The following APOC3 variants were observed in gnomAD, a reference collection of about 807,000 sequenced individuals.
APOC3 encodes the protein apolipoprotein C-III.
In APOC3, 6 loss-of-function variants were observed where a neutral mutation model predicts 7.3. The observed-to-expected ratio is 0.82, with a 90% confidence interval of 0.45 to 1.61. The LOEUF is 1.61. APOC3 is among the 40% of genes most tolerant of loss of function. The probability of loss-of-function intolerance (pLI) is 0.01; values close to 1 mark genes in which losing one functional copy is unlikely to be tolerated. For missense variants in APOC3, 123 were observed against 124.9 expected (o/e 0.98, Z 0.07); for synonymous variants, 45 against 51.2 (o/e 0.88, Z 0.52).
intron 1 of APOC3, 51 bp from the exon 2 acceptor site, chr11:116,830,519 G>A: frequency 3.1e-6 from 5 of 1,603,862 alleles, no homozygotes; most frequent in Non-Finnish European, 4.3e-6. Context: ...CCAGGGAGGG[G>A]TCCAGAGGCA....
At chr11:116,830,501 C>A in intron 1 of APOC3, 69 bp from the exon 2 acceptor site, 1 of 1,561,516 alleles carries the variant, frequency 6.4e-7, no homozygotes, top group Middle Eastern at 1.7e-4. Flanking sequence ...AGGGGCCACG[C>A]CACCTCCCCA....
At chr11:116,831,197 CTT>C (rs1555055850) in intron 3 of APOC3, 1 of 41,950 alleles carries the variant, frequency 2.4e-5, no homozygotes, top group African/African-American at 7.3e-5. Context: ...CTATTTCTTT[CTT>C]TCTTTCTTTC....
At chr11:116,831,189 ATT>A (rs72441743) in intron 3 of APOC3, 13 of 148,498 alleles carry the variant, frequency 8.8e-5, no homozygotes, top group Non-Finnish European at 1.3e-4. Context: ...TTCTCTTTCT[ATT>A]TCTTTCTTTC....
chr11:116,831,721 C>A (rs950225076), intron 3 of APOC3, among the ~76,000 whole-genome samples: 1 of 152,144 alleles, frequency 6.6e-6, no homozygotes, highest in Non-Finnish European at 1.5e-5. Flanking sequence ...TTTTTGGCAC[C>A]AGGGACCAGT....
chr11:116,830,701 TG>T, intron 2 of APOC3, 64 bp downstream of exon 2: 1 of 1,613,094 alleles, frequency 6.2e-7, no homozygotes, highest in Non-Finnish European at 8.5e-7. Context: ...CCAGTCCCAA[TG>T]GGTGGTCAAG....
intron 2 of APOC3, 44 bp from the exon 3 acceptor site, chr11:116,830,729 G>T (rs772057064): frequency 1.2e-6 from 2 of 1,613,100 alleles, no homozygotes; most frequent in South Asian, 1.1e-5. Flanking sequence ...CCCAGGGCTC[G>T]TCCAGAGGCC....
In APOC3 at chr11:116,832,938, C is replaced by T; in HGVS notation, c.*54C>T. On this transcript the variant is annotated 3_prime_UTR_variant, in exon 4 of 4. Transcript: ENST00000227667. ...ATCCATCCTGCGAGCTCCTTGGGTC[C>T]TGCAATCTCCAGGGCTGCCCCTGTA... 1 of 1,612,244 alleles carries T rather than the reference C, an allele frequency of 6.2e-7. No homozygotes were observed. Among genetic ancestry groups the T allele is most frequent in the Non-Finnish European group, 8.5e-7 (1 of 1,179,570 alleles).
rs4225 is a variant in APOC3 at position 116,832,955 on chromosome 11, G to T, written c.*71G>T. On this transcript the variant is annotated 3_prime_UTR_variant, in exon 4 of 4. Transcript: ENST00000227667. The stretch of plus-strand genomic sequence containing the variant: ...CTTGGGTCCTGCAATCTCCAGGGCT[G>T]CCCCTGTAGGTTGCTTAAAAGGGAC... 909,777 of 1,606,286 alleles carry T rather than the reference G, an allele frequency of 0.57. 274,952 individuals are homozygous for T. Among genetic ancestry groups the T allele is most frequent in the Non-Finnish European group, 0.64 (748,783 of 1,175,414 alleles).
intron 1 of APOC3, 95 bp downstream of exon 1, chr11:116,830,035 C>T (rs772916031): frequency 2.9e-5 from 5 of 172,450 alleles, no homozygotes; most frequent in South Asian, 1.6e-4. Flanking sequence ...CCTGGAGAAG[C>T]ACTTGCTAGA....
chr11:116,830,451 C>T, intron 1 of APOC3, 119 bp from the exon 2 acceptor site: 2 of 1,035,488 alleles, frequency 1.9e-6, no homozygotes, highest in African/African-American at 1.6e-5. Context: ...AGGGAGCCGG[C>T]CCCTACTCCT....
chr11:116,831,640 C>T (rs1941462051), intron 3 of APOC3, among the ~76,000 whole-genome samples: 1 of 152,202 alleles, frequency 6.6e-6, no homozygotes, highest in Non-Finnish European at 1.5e-5. Flanking sequence ...GCTGGGATTA[C>T]AGGCATGAGC....
At chr11:116,831,244 TC>T (rs1941451627) in intron 3 of APOC3, 1 of 119,248 alleles carries the variant, frequency 8.4e-6, no homozygotes, top group Non-Finnish European at 1.7e-5. Context: ...TTTCTTTCTT[TC>T]TTTCTTTCTT....
At chr11:116,832,465 A>C (rs1941472937) in intron 3 of APOC3, among the ~76,000 whole-genome samples, 1 of 152,126 alleles carries the variant, frequency 6.6e-6, no homozygotes, top group South Asian at 2.1e-4. Context: ...GACAGCCTTG[A>C]CCTTTCACAT....
Position 116,833,039 on chromosome 11 carries a change from C to A in APOC3, c.*155C>A. On this transcript the variant is annotated 3_prime_UTR_variant, in exon 4 of 4. Coordinates refer to ENST00000227667, the MANE Select transcript of APOC3 (RefSeq NM_000040.3). ...CCTGGCCCCCCTCCAGGCATGCTGG[C>A]CTCCCAATAAAGCTGGACAAGAAGC... 1 of 1,062,134 alleles carries A rather than the reference C, an allele frequency of 9.4e-7. No homozygotes were observed. Among genetic ancestry groups the A allele is most frequent in the Non-Finnish European group, 1.4e-6 (1 of 710,388 alleles). The allele number at this position is 1,062,134 out of a possible 1,614,324, so 65.8% of individuals were successfully genotyped here. A position where few individuals can be genotyped will look rare whatever the true frequency, so the allele number is the denominator to read the frequency against.
In APOC3 at chr11:116,832,919, C is replaced by A; in HGVS notation, c.*35C>A. 2.5e-6 allele frequency: 4 copies of A among 1,613,398 alleles called. No individual in the cohort carries two copies. Among genetic ancestry groups the A allele is most frequent in the Non-Finnish European group, 3.4e-6 (4 of 1,179,966 alleles). ...ACCCCAAGTCCACCTGCCTATCCAT[C>A]CTGCGAGCTCCTTGGGTCCTGCAAT... On this transcript the variant is annotated 3_prime_UTR_variant, in exon 4 of 4. Transcript: ENST00000227667.
chr11:116,831,189 ATTTCTTTCTTTCTTTCTTTCTTTC>A (rs1210737487), intron 3 of APOC3: 34 of 148,488 alleles, frequency 2.3e-4, no homozygotes, highest in Middle Eastern at 1.7e-3. Flanking sequence ...TTCTCTTTCT[ATTTCTTTCTTTCTTTCTTTCTTTC>A]TTTCTTTCTT....
At chr11:116,832,715 A>T in intron 3 of APOC3, 49 bp from the exon 4 acceptor site, 1 of 1,613,644 alleles carries the variant, frequency 6.2e-7, no homozygotes, top group Non-Finnish European at 8.5e-7. Flanking sequence ...ATGGTTGCCT[A>T]CAGAGGAGTT....
At chr11:116,830,452 C>A in intron 1 of APOC3, 118 bp from the exon 2 acceptor site, 1 of 1,058,934 alleles carries the variant, frequency 9.4e-7, no homozygotes, top group South Asian at 1.3e-5. Context: ...GGGAGCCGGC[C>A]CCTACTCCTT....
chr11:116,832,887 C>A lies in APOC3; in HGVS notation c.*3C>A, dbSNP rs1303323958. On this transcript the variant is annotated 3_prime_UTR_variant, in exon 4 of 4. Coordinates refer to ENST00000227667, the MANE Select transcript of APOC3 (RefSeq NM_000040.3). The stretch of plus-strand genomic sequence containing the variant: ...CAACTTCAGCCGTGGCTGCCTGAGA[C>A]CTCAATACCCCAAGTCCACCTGCCT... 1.2e-6 allele frequency: 2 copies of A among 1,613,586 alleles called. No homozygotes were observed. The highest frequency in any genetic ancestry group is 2.2e-5 in the East Asian group (1 of 44,902).
Sources: gnomAD v4.1 joint callset for allele counts (sites outside exome capture counted in the v4.1 genomes callset) on GRCh38, gnomAD v4.1.1 for gene constraint, MANE v1.5 for transcripts, NCBI Gene and HGNC (gene_info 2026-07-23, HGNC 2026-07-21) for gene names.